SPIRE1: variants seen among roughly 807,000 people sequenced by gnomAD.
SPIRE1 encodes spire type actin nucleation factor 1.
A neutral mutation model predicts 94.1 loss-of-function variants in SPIRE1; 40 were observed. That is an observed-to-expected ratio of 0.43 (90% CI 0.33 to 0.55). The LOEUF is 0.55. Among genes scored for constraint, SPIRE1 ranks in the 20% least tolerant of loss-of-function variants. The pLI is 0.06. For synonymous variants in SPIRE1, 376 were observed against 371.7 expected (o/e 1.01, Z -0.13); for missense variants, 838 against 975.2 (o/e 0.86, Z 1.87).
At chr18:12,573,987 C>G (rs953652727) in intron 2 of SPIRE1, among the ~76,000 whole-genome samples, 3 of 152,202 alleles carry the variant, frequency 2.0e-5, no homozygotes, top group African/African-American at 7.2e-5. Flanking sequence ...GATCCACCCA[C>G]CTCATTCTCC....
chr18:12,521,789 T>G (rs1033243028), intron 4 of SPIRE1, among the ~76,000 whole-genome samples: 13 of 152,140 alleles, frequency 8.5e-5, no homozygotes, highest in South Asian at 2.1e-4. Flanking sequence ...ATTAAATCTG[T>G]TATGGAGATC....
chr18:12,461,439 T>TGTACATATGTAC (rs1568183700), intron 12 of SPIRE1, among the ~76,000 whole-genome samples: 8 of 52,182 alleles, frequency 1.5e-4, no homozygotes, highest in Non-Finnish European at 2.5e-4. Context: ...TATGTATGTA[T>TGTACATATGTAC]ATACATACAT....
chr18:12,623,951 TCTCA>T (rs1030611212), intron 2 of SPIRE1, among the ~76,000 whole-genome samples: 5 of 129,750 alleles, frequency 3.9e-5, no homozygotes, highest in Non-Finnish European at 8.0e-5. Flanking sequence ...TGAGATGGAG[TCTCA>T]CTCTGTCGCC....
intron 2 of SPIRE1, among the ~76,000 whole-genome samples, chr18:12,634,271 A>AAT (rs1457990234): frequency 2.7e-5 from 4 of 147,766 alleles, no homozygotes; most frequent in African/African-American, 9.9e-5. Context: ...AAAAAAAAAA[A>AAT]AATAATAATA....
rs1462421465 is a variant in SPIRE1, at chr18:12,476,584, TATATAC to T, written c.1404+3109_1404+3114del. On this transcript the variant is annotated intron_variant, in intron 10 of 16. Transcript: ENST00000409402. ...AAAAAAATATATATATATATATATA[TATATAC>T]ACACACACACACACACACATATATA... is the stretch of plus-strand genomic sequence containing the variant. Among the ~76,000 whole-genome samples the T allele has an allele frequency of 6.8e-5, 8 of 117,656 alleles. No individual in the cohort carries two copies. The East Asian group carries it at 1.1e-3, about 16-fold the overall frequency. 77.2% of individuals were successfully genotyped at this position (117,656 alleles called of 152,430 possible). A position where few individuals can be genotyped will look rare whatever the true frequency, so the allele number is the denominator to read the frequency against.
At chr18:12,591,743 C>T (rs912883339) in intron 2 of SPIRE1, among the ~76,000 whole-genome samples, 9 of 151,768 alleles carry the variant, frequency 5.9e-5, no homozygotes, top group Non-Finnish European at 1.0e-4. Flanking sequence ...TTTAGGAGGC[C>T]GAGGTGGGCA....
intron 12 of SPIRE1, among the ~76,000 whole-genome samples, chr18:12,455,943 C>A (rs1455179989): frequency 2.6e-5 from 4 of 152,196 alleles, no homozygotes; most frequent in Non-Finnish European, 5.9e-5. Flanking sequence ...CAAACATTAG[C>A]ATTTTACTTA....
At chr18:12,490,394 T>C (rs889362020) in intron 8 of SPIRE1, among the ~76,000 whole-genome samples, 1 of 152,104 alleles carries the variant, frequency 6.6e-6, no homozygotes, top group Non-Finnish European at 1.5e-5. Flanking sequence ...TTCTACCAAA[T>C]ATTGAAAGAA....
intron 2 of SPIRE1, among the ~76,000 whole-genome samples, chr18:12,597,641 T>C (rs1254974919): frequency 6.6e-6 from 1 of 152,232 alleles, no homozygotes; most frequent in East Asian, 1.9e-4. Context: ...AATAATTTGC[T>C]GAGAATTAAA....
chr18:12,483,096 A>G (rs565820968), intron 9 of SPIRE1, among the ~76,000 whole-genome samples: 2 of 152,110 alleles, frequency 1.3e-5, no homozygotes, highest in East Asian at 1.9e-4. Context: ...GTGCACCACC[A>G]CGCCTAGCTA....
At chr18:12,550,974 T>C (rs1675855244) in intron 2 of SPIRE1, among the ~76,000 whole-genome samples, 1 of 152,198 alleles carries the variant, frequency 6.6e-6, no homozygotes. Flanking sequence ...TCTTCCAAAA[T>C]CTCTTGCAAA....
intron 2 of SPIRE1, among the ~76,000 whole-genome samples, chr18:12,576,581 C>CAA (rs762895518): frequency 4.8e-4 from 15 of 31,006 alleles, no homozygotes; most frequent in African/African-American, 1.1e-3. Context: ...GACTCCATCT[C>CAA]AAAAAAAAAA....
intron 1 of SPIRE1, among the ~76,000 whole-genome samples, chr18:12,635,482 C>A (rs556896839): frequency 6.6e-6 from 1 of 152,166 alleles, no homozygotes; most frequent in South Asian, 2.1e-4. Context: ...TAAAAGACTG[C>A]AAATATATTT....
At chr18:12,659,644 TG>T (rs1277944859), upstream of SPIRE1, among the ~76,000 whole-genome samples, 4 of 152,190 alleles carry the variant, frequency 2.6e-5, no homozygotes, top group East Asian at 7.7e-4. Flanking sequence ...CACTCCAGCC[TG>T]GGGGACAGAG....
At chr18:12,571,786 T>C (rs1430132377) in intron 2 of SPIRE1, among the ~76,000 whole-genome samples, 1 of 152,218 alleles carries the variant, frequency 6.6e-6, no homozygotes, top group Non-Finnish European at 1.5e-5. Flanking sequence ...AACAGACATT[T>C]CCCAAGAGCA....
intron 6 of SPIRE1, among the ~76,000 whole-genome samples, chr18:12,498,785 C>T (rs995538626): frequency 6.6e-6 from 1 of 152,132 alleles, no homozygotes; most frequent in Non-Finnish European, 1.5e-5. Context: ...AACCACCATC[C>T]CCAGCTAGTT....
In SPIRE1 at chr18:12,533,414, T is replaced by A. The variant is rs538953397; in HGVS notation, c.729+2062A>T. ...CAAAATTTTAATCAAGAGCAAAAAA[T>A]TTTTTTTTACATCAGATGAGTAATG... On this transcript the variant is annotated intron_variant, in intron 4 of 16. Coordinates refer to ENST00000409402, the MANE Select transcript of SPIRE1 (RefSeq NM_001128626.2). Among the ~76,000 whole-genome samples, 78 of 152,052 alleles carry A rather than the reference T, an allele frequency of 5.1e-4. 1 individual carries two copies. Among genetic ancestry groups the A allele is most frequent in the Middle Eastern group, 3.4e-3 (1 of 292 alleles).
At chr18:12,658,121 G>GT (rs2038613121), upstream of SPIRE1, 1 of 965,674 alleles carries the variant, frequency 1.0e-6, no homozygotes, top group African/African-American at 1.8e-5. Flanking sequence ...GCCCCGCCCC[G>GT]CCCCGCCCCG....
chr18:12,571,543 T>C (rs184497621), intron 2 of SPIRE1, among the ~76,000 whole-genome samples: 1 of 152,210 alleles, frequency 6.6e-6, no homozygotes, highest in East Asian at 1.9e-4. Flanking sequence ...CCCTTCAGAA[T>C]ACCAGGGACA....
Sources: allele counts gnomAD v4.1 joint callset (sites outside exome capture counted in the v4.1 genomes callset), GRCh38; gene constraint gnomAD v4.1.1; transcripts MANE v1.5; gene names NCBI Gene and HGNC (gene_info 2026-07-23, HGNC 2026-07-21).